The following BPHL variants were observed in gnomAD, a reference collection of about 807,000 sequenced individuals.
The protein encoded by BPHL is serine hydrolase BPHL.
A neutral mutation model predicts 31.2 loss-of-function variants in BPHL; 27 were observed. The ratio of observed to expected loss-of-function variants is 0.87; its 90% confidence interval spans 0.64 to 1.19. The LOEUF is 1.19. Among genes scored for constraint, BPHL ranks in the 50% most tolerant of loss-of-function variants. The pLI is 0.00. For missense variants in BPHL, 356 were observed against 375.7 expected (o/e 0.95, Z 0.43); for synonymous variants, 150 against 146.8 (o/e 1.02, Z -0.16).
At position 3,129,156 on chromosome 6, in the gene BPHL, G is replaced by A. The variant is rs553258757; in HGVS notation, c.490G>A (p.Ala164Thr). ...SYIHKMVIWG[A>T]NAYVTDEDSM... is the part of the protein sequence containing the mutation. Reference sequence around the variant, plus strand: ...CATCCACAAGATGGTGATCTGGGGCGCCAACGCCTACGTCACTGACGAAGA... The same window carrying A: ...CATCCACAAGATGGTGATCTGGGGCACCAACGCCTACGTCACTGACGAAGA... The change falls in exon 4 of 7, where the codon GCC (alanine) becomes ACC (threonine). Residue 164 changes from alanine to threonine, a missense_variant. Coordinates refer to ENST00000380379, the MANE Select transcript of BPHL (RefSeq NM_004332.4). 7.6e-5 allele frequency: 123 copies of A among 1,609,578 alleles called. No homozygotes were observed. Among genetic ancestry groups the A allele is most frequent in the African/African-American group, 1.2e-4 (9 of 74,824 alleles).
intron 6 of BPHL, among the ~76,000 whole-genome samples, chr6:3,151,217 C>T (rs573786833): frequency 2.0e-5 from 3 of 152,144 alleles, no homozygotes; most frequent in East Asian, 1.9e-4. Flanking sequence ...CTTGGCAATT[C>T]GTTCTTTCCT....
intron 4 of BPHL, 151 bp from the exon 5 acceptor site, chr6:3,137,211 G>C: frequency 9.6e-7 from 1 of 1,039,112 alleles, no homozygotes; most frequent in Non-Finnish European, 1.4e-6. Context: ...GCAGCAACCA[G>C]GGCTAAGCCG....
chr6:3,138,094 C>G (rs1024608931), intron 5 of BPHL: 2 of 890,644 alleles, frequency 2.2e-6, no homozygotes, highest in Non-Finnish European at 3.2e-6. Context: ...TCTCAGCTCA[C>G]TGCAATCTCT....
chr6:3,153,528 C>A lies in BPHL; in HGVS notation c.*953C>A. ...AATGTTATTAATTAAAACACTAAAG[C>A]AGAAATCCTACATTGCTATTAAAAT... On this transcript the variant is annotated 3_prime_UTR_variant, in exon 7 of 7. Coordinates refer to ENST00000380379, the MANE Select transcript of BPHL (RefSeq NM_004332.4). The A allele has an allele frequency of 2.4e-6, 1 of 421,794 alleles. No individual in the cohort carries two copies. Among genetic ancestry groups the A allele is most frequent in the Non-Finnish European group, 4.3e-6 (1 of 233,474 alleles). 26.1% of individuals were successfully genotyped at this position (421,794 alleles called of 1,614,324 possible).
intron 6 of BPHL, among the ~76,000 whole-genome samples, chr6:3,141,779 G>A (rs1330425777): frequency 1.3e-5 from 2 of 152,046 alleles, no homozygotes; most frequent in African/African-American, 4.8e-5. Context: ...TTCAAGACCA[G>A]CCTAGCCAAC....
chr6:3,140,704 C>G lies in BPHL; in HGVS notation c.788+195C>G, dbSNP rs182206820. Among the ~76,000 whole-genome samples the G allele has an allele frequency of 1.5e-4, 23 of 152,256 alleles. No individual in the cohort carries two copies. Among genetic ancestry groups the G allele is most frequent in the African/African-American group, 4.6e-4 (19 of 41,534 alleles). Reference sequence around the variant, plus strand: ...GCCCTGAACTGTGGGTGACTGATAACCAGAAGGAAAGGCATGTTCAGATAG... The same window carrying G: ...GCCCTGAACTGTGGGTGACTGATAAGCAGAAGGAAAGGCATGTTCAGATAG... On this transcript the variant is annotated intron_variant, in intron 6 of 6. Coordinates refer to ENST00000380379, the MANE Select transcript of BPHL (RefSeq NM_004332.4). This position sits in a 1 kb window ranked among gnomAD's most constrained non-coding sequence, Gnocchi z 5.2.
chr6:3,137,837 C>T (rs149760414), intron 5 of BPHL, among the ~76,000 whole-genome samples: 5 of 152,168 alleles, frequency 3.3e-5, no homozygotes, highest in Non-Finnish European at 5.9e-5. Flanking sequence ...ATGAGTAATT[C>T]GAAAATAAAT....
At chr6:3,134,844 C>T (rs552300856) in intron 4 of BPHL, among the ~76,000 whole-genome samples, 13 of 152,120 alleles carry the variant, frequency 8.5e-5, no homozygotes, top group Admixed American at 5.2e-4. Flanking sequence ...CCTCGTGATC[C>T]GCCTGCCTCG....
At chr6:3,151,018 C>T (rs3799220) in intron 6 of BPHL, among the ~76,000 whole-genome samples, 1 of 152,086 alleles carries the variant, frequency 6.6e-6, no homozygotes, top group African/African-American at 2.4e-5. Context: ...TAAAAAGAAA[C>T]GATTCACAGC....
intron 2 of BPHL, among the ~76,000 whole-genome samples, chr6:3,125,049 A>ATT (rs796265003): frequency 1.1e-4 from 15 of 142,414 alleles, no homozygotes; most frequent in South Asian, 2.2e-4. Flanking sequence ...TACCAATTTA[A>ATT]TTTTTTTTTT....
In BPHL at chr6:3,129,091, G is replaced by T. The variant is rs1761794524; in HGVS notation, c.425G>T (p.Gly142Val). The part of the protein sequence containing the change: ...KVSLLGWSDG[G>V]ITALIAAAKY... The stretch of plus-strand genomic sequence containing the variant: ...TCTCTGCTGGGGTGGAGTGATGGGG[G>T]CATAACCGCACTCATTGCTGCTGCA... Residue 142 changes from glycine to valine, a missense_variant, in exon 4 of 7, where the codon GGC (glycine) becomes GTC (valine). Gly to Val is a moderately radical substitution (Grantham distance 109, BLOSUM62 -3). Coordinates refer to ENST00000380379, the MANE Select transcript of BPHL (RefSeq NM_004332.4). 6.2e-7 allele frequency: 1 copy of T among 1,614,162 alleles called. No homozygotes were observed. The highest frequency in any genetic ancestry group is 8.5e-7 in the Non-Finnish European group (1 of 1,180,010).
chr6:3,123,213 C>T (rs938492496), intron 1 of BPHL, among the ~76,000 whole-genome samples: 1 of 150,668 alleles, frequency 6.6e-6, no homozygotes, highest in South Asian at 2.2e-4. Flanking sequence ...TTGGAAAAAT[C>T]GAAATAACCC....
chr6:3,127,482 T>A (rs1377032620), intron 3 of BPHL, 74 bp downstream of exon 3: 1 of 1,292,454 alleles, frequency 7.7e-7, no homozygotes, highest in Non-Finnish European at 1.0e-6. Flanking sequence ...TTAAATTTTG[T>A]TGTTATATTT....
chr6:3,152,744 A>G lies in BPHL; in HGVS notation c.*169A>G. On this transcript the variant is annotated 3_prime_UTR_variant, in exon 7 of 7. Coordinates refer to ENST00000380379, the MANE Select transcript of BPHL (RefSeq NM_004332.4). ...CATATTGAAAACAGCCTCTAGCTTC[A>G]GGCTGGGCACGGTGGCTCACAGCTA... 1.7e-6 allele frequency: 1 copy of G among 589,622 alleles called. No homozygotes were observed. Among genetic ancestry groups the G allele is most frequent in the Non-Finnish European group, 2.9e-6 (1 of 349,734 alleles). 36.5% of individuals were successfully genotyped at this position (589,622 alleles called of 1,614,324 possible).
chr6:3,144,074 C>T (rs1325529322), intron 6 of BPHL, among the ~76,000 whole-genome samples: 2 of 152,172 alleles, frequency 1.3e-5, no homozygotes, highest in Non-Finnish European at 2.9e-5. Flanking sequence ...TTTTCTTCCT[C>T]TTTTTTTGTT....
At chr6:3,144,589 G>T in intron 6 of BPHL, among the ~76,000 whole-genome samples, 1 of 151,694 alleles carries the variant, frequency 6.6e-6, no homozygotes, top group Admixed American at 6.6e-5. Context: ...AAAGGGCCTT[G>T]CCGTGTTGTC....
upstream of BPHL, chr6:3,118,508 C>T: frequency 2.7e-6 from 1 of 367,530 alleles, no homozygotes; most frequent in Non-Finnish European, 4.8e-6. Flanking sequence ...CGAGAGGGGA[C>T]GGTCTACGCG....
At chr6:3,132,897 A>C (rs1761911046) in intron 4 of BPHL, among the ~76,000 whole-genome samples, 1 of 152,160 alleles carries the variant, frequency 6.6e-6, no homozygotes, top group Non-Finnish European at 1.5e-5. Context: ...AGTTCTCACT[A>C]TGTTGCCTTA....
chr6:3,134,697 T>C (rs1581473144), intron 4 of BPHL, among the ~76,000 whole-genome samples: 1 of 151,228 alleles, frequency 6.6e-6, no homozygotes, highest in South Asian at 2.1e-4. Flanking sequence ...CCGCCTCCTG[T>C]GTTCACGCCA....
Sources: gnomAD v4.1 joint callset for allele counts (sites outside exome capture counted in the v4.1 genomes callset) on GRCh38, gnomAD v4.1.1 for gene constraint, Gnocchi (gnomAD v3.1) non-coding constraint, MANE v1.5 for transcripts, NCBI Gene and HGNC (gene_info 2026-07-23, HGNC 2026-07-21) for gene names.